The following PDE10A variants were observed in gnomAD, a reference collection of about 807,000 sequenced individuals.
PDE10A encodes cAMP and cAMP-inhibited cGMP 3',5'-cyclic phosphodiesterase 10A.
A neutral mutation model predicts 97.7 loss-of-function variants in PDE10A; 39 were observed. The ratio of observed to expected loss-of-function variants is 0.40; its 90% CI spans 0.31 to 0.52. The LOEUF is 0.52. Among genes scored for constraint, PDE10A ranks in the 20% least tolerant of loss-of-function variants. The pLI is 0.56. For synonymous variants in PDE10A, 371 were observed against 376.8 expected (o/e 0.98, Z 0.18); for missense variants, 731 against 1,047.8 (o/e 0.70, Z 4.17).
intron 10 of PDE10A, among the ~76,000 whole-genome samples, chr6:165,426,865 T>TGAAAA (rs1230731682): frequency 6.6e-6 from 1 of 152,110 alleles, no homozygotes; most frequent in Non-Finnish European, 1.5e-5. Context: ...AATAAGCACA[T>TGAAAA]GAAAAGATAC....
chr6:165,781,952 AG>A (rs1396388149), intron 1 of PDE10A: 2 of 152,252 alleles, frequency 1.3e-5, no homozygotes, highest in Non-Finnish European at 2.9e-5. Flanking sequence ...ACATTGTTTT[AG>A]GTTACAACAT....
At chr6:165,958,966 G>C (rs1029305584) in intron 1 of PDE10A, among the ~76,000 whole-genome samples, 3 of 152,172 alleles carry the variant, frequency 2.0e-5, no homozygotes, top group Non-Finnish European at 4.4e-5. Flanking sequence ...GGAGGCCATA[G>C]TGCTTGAGGG....
intron 1 of PDE10A, among the ~76,000 whole-genome samples, chr6:165,961,430 T>TAGC (rs1784357894): frequency 6.6e-6 from 1 of 152,198 alleles, no homozygotes; most frequent in South Asian, 2.1e-4. Flanking sequence ...AAGCCCGCCT[T>TAGC]AGCGGGTTTC....
chr6:165,427,162 G>A (rs1789225652), intron 10 of PDE10A, among the ~76,000 whole-genome samples: 1 of 152,060 alleles, frequency 6.6e-6, no homozygotes, highest in South Asian at 2.1e-4. Context: ...ACGTGTAGAG[G>A]CATGTCCACA....
chr6:165,778,330 A>G (rs1170235986), intron 1 of PDE10A, among the ~76,000 whole-genome samples: 2 of 152,124 alleles, frequency 1.3e-5, no homozygotes, highest in African/African-American at 2.4e-5. Context: ...TCAGCCTCCC[A>G]AAGTGCTGGG....
rs77032864 is a variant in PDE10A at position 165,582,179 on chromosome 6, T to C, written c.866-38611A>G. Among the ~76,000 whole-genome samples, 1,025 of 152,314 alleles carry C rather than the reference T, an allele frequency of 6.7e-3. 14 individuals carry two copies. The highest frequency in any genetic ancestry group is 0.023 in the African/African-American group (952 of 41,566). On this transcript the variant is annotated intron_variant, in intron 1 of 21. Transcript: ENST00000539869. ...TAAACAAACTGAATTTTTTCAAAAA[T>C]ACACAGCTCTATACAGAAGTACAGT...
chr6:165,490,574 G>C (rs1397953366), intron 2 of PDE10A, among the ~76,000 whole-genome samples: 1 of 152,020 alleles, frequency 6.6e-6, no homozygotes, highest in Non-Finnish European at 1.5e-5. Flanking sequence ...ATAAATAGCA[G>C]GGCGAATACA....
intron 2 of PDE10A, among the ~76,000 whole-genome samples, chr6:165,509,816 G>A (rs1781410827): frequency 6.6e-6 from 1 of 151,628 alleles, no homozygotes; most frequent in Non-Finnish European, 1.5e-5. Context: ...TTTATTCTTA[G>A]GTATTATATT....
intron 1 of PDE10A, among the ~76,000 whole-genome samples, chr6:165,659,237 C>T (rs914389942): frequency 1.3e-5 from 2 of 151,664 alleles, no homozygotes; most frequent in South Asian, 2.1e-4. Context: ...ACAGCCTTTA[C>T]GTGACAACTT....
At chr6:165,580,166 G>C (rs934061840) in intron 1 of PDE10A, among the ~76,000 whole-genome samples, 11 of 152,222 alleles carry the variant, frequency 7.2e-5, no homozygotes, top group Non-Finnish European at 1.5e-4. Flanking sequence ...AATAGCAGGT[G>C]CTCAATACAT....
intron 1 of PDE10A, among the ~76,000 whole-genome samples, chr6:165,707,837 A>T (rs1791757495): frequency 6.6e-6 from 1 of 151,806 alleles, no homozygotes; most frequent in Non-Finnish European, 1.5e-5. Context: ...CCTTTAGGGG[A>T]TCTTGAATAC....
In PDE10A at chr6:165,368,473, A is replaced by G. The variant is rs1583130773; in HGVS notation, c.2783+10721T>C. ...TTTTCACATTGAACAAAATGGAAATAATATCAATTCAAAGCGGACTAATAA... is the reference window on the plus strand; with the variant it reads ...TTTTCACATTGAACAAAATGGAAATGATATCAATTCAAAGCGGACTAATAA... On this transcript the variant is annotated intron_variant, in intron 18 of 21. Coordinates refer to ENST00000539869, the MANE Select transcript of PDE10A (RefSeq NM_001385079.1). Among the ~76,000 whole-genome samples, 4 of 152,364 alleles carry G rather than the reference A, an allele frequency of 2.6e-5. No individual in the cohort carries two copies. In the Middle Eastern group the frequency reaches 0.014, roughly 518 times the overall value.
intron 1 of PDE10A, among the ~76,000 whole-genome samples, chr6:165,722,109 G>C (rs149750936): frequency 1.3e-5 from 2 of 152,160 alleles, no homozygotes; most frequent in African/African-American, 4.8e-5. Context: ...AATTACTTAC[G>C]TGATGATGTC....
chr6:165,648,263 C>T (rs535967441), intron 1 of PDE10A, among the ~76,000 whole-genome samples: 5 of 152,236 alleles, frequency 3.3e-5, no homozygotes, highest in South Asian at 2.1e-4. Context: ...CCACCCACCT[C>T]GGCCTCCCAA....
chr6:165,573,187 A>G (rs1447101300), intron 1 of PDE10A, among the ~76,000 whole-genome samples: 1 of 152,138 alleles, frequency 6.6e-6, no homozygotes, highest in Non-Finnish European at 1.5e-5. Context: ...AGCCATTAAA[A>G]TAGTTAAACG....
At chr6:165,576,114 G>A (rs973625795) in intron 1 of PDE10A, among the ~76,000 whole-genome samples, 5 of 151,898 alleles carry the variant, frequency 3.3e-5, no homozygotes, top group Non-Finnish European at 4.4e-5. Context: ...AAAAATAAAG[G>A]GAAAAATCAC....
chr6:165,751,802 C>T (rs1793007501), intron 1 of PDE10A, among the ~76,000 whole-genome samples: 2 of 151,994 alleles, frequency 1.3e-5, no homozygotes, highest in African/African-American at 4.8e-5. Context: ...ATAACCCACC[C>T]CTCAATTTGC....
chr6:165,572,656 T>C (rs1268120865), intron 1 of PDE10A, among the ~76,000 whole-genome samples: 3 of 152,328 alleles, frequency 2.0e-5, no homozygotes, highest in South Asian at 2.1e-4. Flanking sequence ...TCCCAGCACT[T>C]TGGGAAGCCA....
chr6:165,711,767 G>A lies in PDE10A; in HGVS notation c.-614-168199C>T, dbSNP rs6924519. Among the ~76,000 whole-genome samples, 808 of 152,248 alleles carry A rather than the reference G, an allele frequency of 5.3e-3. 8 individuals carry two copies. Among genetic ancestry groups the A allele is most frequent in the African/African-American group, 0.018 (754 of 41,540 alleles). On this transcript the variant is annotated intron_variant, in intron 1 of 19. Transcript: ENST00000366882. This position sits in a 1 kb window ranked among gnomAD's most constrained non-coding sequence, Gnocchi z 4.5. ...GTGCTAATTCACTCGTCAGACCAGCGAACCTCAAATGCATTTTTGTGGCAG... is the reference window on the plus strand; with the variant it reads ...GTGCTAATTCACTCGTCAGACCAGCAAACCTCAAATGCATTTTTGTGGCAG...
Sources: gnomAD v4.1 joint callset for allele counts (sites outside exome capture counted in the v4.1 genomes callset) on GRCh38, gnomAD v4.1.1 for gene constraint, Gnocchi (gnomAD v3.1) non-coding constraint, MANE v1.5 for transcripts, NCBI Gene and HGNC (gene_info 2026-07-23, HGNC 2026-07-21) for gene names.